TENM2: variants seen among roughly 807,000 people sequenced by gnomAD.
TENM2 encodes teneurin transmembrane protein 2.
Under a neutral mutation model 245.2 loss-of-function variants are expected in TENM2, and 52 were observed. The observed-to-expected ratio is 0.21, with a 90% CI of 0.17 to 0.27. TENM2 has a LOEUF of 0.27. Ranked by LOEUF, TENM2 falls within the 10% of genes least tolerant of loss-of-function variation. TENM2 has a pLI of 1.00. For synonymous variants in TENM2, 1,363 were observed against 1,438.9 expected, an observed-to-expected ratio of 0.95 and a Z score of 1.19; for missense variants, 3,046 against 3,666.8, an observed-to-expected ratio of 0.83 and a Z score of 4.37.
intron 8 of TENM2, among the ~76,000 whole-genome samples, chr5:168,091,252 A>T (rs1053717813): frequency 7.9e-5 from 12 of 152,350 alleles, no homozygotes; most frequent in South Asian, 2.1e-4. Flanking sequence ...AGTGATTTTT[A>T]AAAAAACTTT....
At chr5:167,101,849 T>TTATATTTATATATATATATATA in the TENM2 span, among the ~76,000 whole-genome samples, 8 of 69,438 alleles carry the variant, frequency 1.2e-4, no homozygotes, top group South Asian at 2.0e-3. Flanking sequence ...ATATATATAT[T>TTATATTTATATATATATATATA]TATATATATA....
At chr5:168,142,021 A>G (rs1188280257) in intron 12 of TENM2, among the ~76,000 whole-genome samples, 1 of 152,250 alleles carries the variant, frequency 6.6e-6, no homozygotes, top group African/African-American at 2.4e-5. Flanking sequence ...ACATATCCCC[A>G]GTGCTGCCAA....
chr5:167,632,284 T>C (rs1582599501), intron 2 of TENM2, among the ~76,000 whole-genome samples: 1 of 152,174 alleles, frequency 6.6e-6, no homozygotes, highest in African/African-American at 2.4e-5. Flanking sequence ...GAGCAAAGCA[T>C]CTTGGATCCA....
chr5:167,689,076 T>A (rs1051690609), intron 2 of TENM2, among the ~76,000 whole-genome samples: 3 of 152,200 alleles, frequency 2.0e-5, no homozygotes, highest in Non-Finnish European at 4.4e-5. Context: ...TTTTGAGTCT[T>A]CTGAGAAGCA....
intron 2 of TENM2, among the ~76,000 whole-genome samples, chr5:167,550,402 A>T (rs558694514): frequency 5.7e-4 from 86 of 152,132 alleles, no homozygotes; most frequent in Non-Finnish European, 1.2e-3. Context: ...TATTAGTATA[A>T]ATATTCTTGT....
At chr5:167,754,041 T>C (rs1218002000) in intron 2 of TENM2, among the ~76,000 whole-genome samples, 2 of 152,164 alleles carry the variant, frequency 1.3e-5, no homozygotes, top group African/African-American at 4.8e-5. Flanking sequence ...ATATTGATAA[T>C]ATCCACTTCA....
the TENM2 span, among the ~76,000 whole-genome samples, chr5:166,998,052 G>A: frequency 6.6e-6 from 1 of 152,140 alleles, no homozygotes; most frequent in African/African-American, 2.4e-5. Flanking sequence ...GGCATGCAGA[G>A]AAGACTTCTT....
chr5:168,170,964 C>T (rs1758766823), intron 13 of TENM2, among the ~76,000 whole-genome samples: 1 of 152,220 alleles, frequency 6.6e-6, no homozygotes, highest in South Asian at 2.1e-4. Context: ...TGTCCTCCCC[C>T]ATCCTCTCCG....
intron 5 of TENM2, among the ~76,000 whole-genome samples, chr5:167,998,683 C>CAT (rs34540821): frequency 0.14 from 21,063 of 151,892 alleles, 1,868 homozygotes; most frequent in Admixed American, 0.26. Flanking sequence ...AACTAAAATA[C>CAT]ATATATATAT....
intron 1 of TENM2, among the ~76,000 whole-genome samples, chr5:167,354,001 A>G (rs531014608): frequency 3.9e-5 from 6 of 152,338 alleles, no homozygotes; most frequent in African/African-American, 1.4e-4. Flanking sequence ...GAAGAAAGAA[A>G]CATAGAATAA....
Position 168,204,661 on chromosome 5 carries a change from C to G in TENM2, c.3824+40C>G, listed in dbSNP as rs745905630. 3.7e-6 allele frequency: 6 copies of G among 1,602,096 alleles called. No homozygotes were observed. The African/African-American group carries it at 6.7e-5, about 18-fold the overall frequency. Reference sequence around the variant, plus strand: ...AGGCAACCTTCTTTTGCTCTCTTGCCCCCCATAACTCCTGAGTTTGATCGG... The same window carrying G: ...AGGCAACCTTCTTTTGCTCTCTTGCGCCCCATAACTCCTGAGTTTGATCGG... On this transcript the variant is annotated intron_variant, in intron 19 of 28. Transcript: ENST00000518659.
At chr5:167,781,884 G>A (rs960660820) in intron 2 of TENM2, among the ~76,000 whole-genome samples, 2 of 151,894 alleles carry the variant, frequency 1.3e-5, no homozygotes, top group Non-Finnish European at 2.9e-5. Context: ...GGGTGTGAAG[G>A]GGCACACCTA....
At chr5:168,037,096 G>T (rs914945740) in intron 5 of TENM2, among the ~76,000 whole-genome samples, 4 of 152,130 alleles carry the variant, frequency 2.6e-5, no homozygotes, top group Admixed American at 6.5e-5. Flanking sequence ...AATGTTTCAG[G>T]TTAGCTATGT....
At chr5:167,898,927 G>A (rs1196377435) in intron 3 of TENM2, among the ~76,000 whole-genome samples, 1 of 152,116 alleles carries the variant, frequency 6.6e-6, no homozygotes, top group African/African-American at 2.4e-5. Context: ...ATCTGAAAAG[G>A]CGTGGATTGG....
chr5:167,527,569 C>T (rs2127589707), intron 2 of TENM2, among the ~76,000 whole-genome samples: 1 of 152,206 alleles, frequency 6.6e-6, no homozygotes, highest in East Asian at 1.9e-4. Flanking sequence ...AGAAGATGCT[C>T]CTTGTTTTTT....
At chr5:167,064,988 G>T in the TENM2 span, among the ~76,000 whole-genome samples, 1 of 152,160 alleles carries the variant, frequency 6.6e-6, no homozygotes, top group African/African-American at 2.4e-5. Context: ...TGTTTAGACA[G>T]TGGTTATATT....
intron 4 of TENM2, among the ~76,000 whole-genome samples, chr5:167,986,495 C>T (rs961785091): frequency 7.2e-5 from 11 of 152,120 alleles, no homozygotes; most frequent in African/African-American, 1.2e-4. Flanking sequence ...AGTGTGTGAG[C>T]TCCTCTTTTA....
chr5:167,582,010 T>C (rs1382961398), intron 2 of TENM2, among the ~76,000 whole-genome samples: 1 of 151,406 alleles, frequency 6.6e-6, no homozygotes, highest in Non-Finnish European at 1.5e-5. Flanking sequence ...AGGAGGAGAG[T>C]TGGAAAATAA....
At chr5:168,016,921 A>G (rs796353338) in intron 5 of TENM2, among the ~76,000 whole-genome samples, 13 of 152,364 alleles carry the variant, frequency 8.5e-5, no homozygotes, top group African/African-American at 3.1e-4. Flanking sequence ...TGCATGGTAC[A>G]AAGTGCTCAA....
Sources: gnomAD v4.1 joint callset for allele counts (sites outside exome capture counted in the v4.1 genomes callset) on GRCh38, gnomAD v4.1.1 for gene constraint, MANE v1.5 for transcripts, NCBI Gene and HGNC (gene_info 2026-07-23, HGNC 2026-07-21) for gene names.